The following ALOX15 variants were observed in gnomAD, a reference collection of about 807,000 sequenced individuals.
The protein encoded by ALOX15 is polyunsaturated fatty acid lipoxygenase ALOX15.
Under a neutral mutation model 71.7 loss-of-function variants are expected in ALOX15, and 68 were observed. That is an observed-to-expected ratio of 0.95 (90% confidence interval 0.78 to 1.16). The LOEUF is 1.16. Ranked by LOEUF, ALOX15 falls within the 50% of genes most tolerant of loss-of-function variation. The pLI is 0.00. For synonymous variants in ALOX15, 346 were observed against 333.3 expected (o/e 1.04, Z -0.42); for missense variants, 798 against 818.8 (o/e 0.97, Z 0.31).
chr17:4,632,274 A>G lies in ALOX15; in HGVS notation c.1548T>C (p.Pro516=). 6.2e-7 allele frequency: 1 copy of G among 1,614,148 alleles called. No individual in the cohort carries two copies. The highest frequency in any genetic ancestry group is 8.5e-7 in the Non-Finnish European group (1 of 1,179,972). The part of the protein sequence containing the change: ...GLQGAQDRGF[P]VSLQARDQVC... ...CCTGGTCCCGAGCCTGTAAAGAGACAGGAAACCCTGCAAGGGGTGAAGAGA... is the reference window on the plus strand; with the variant it reads ...CCTGGTCCCGAGCCTGTAAAGAGACGGGAAACCCTGCAAGGGGTGAAGAGA... Residue 516 remains proline, a synonymous_variant, in exon 12 of 14, where the codon CCT becomes CCC. Transcript: ENST00000293761.
chr17:4,631,483 C>G lies in ALOX15; in HGVS notation c.*117G>C. 1 of 1,316,850 alleles carries G rather than the reference C, an allele frequency of 7.6e-7. No homozygotes were observed. Among genetic ancestry groups the G allele is most frequent in the African/African-American group, 1.5e-5 (1 of 68,384 alleles). The allele number at this position is 1,316,850 out of a possible 1,614,324, so 81.6% of individuals were successfully genotyped here. On this transcript the variant is annotated 3_prime_UTR_variant, in exon 14 of 14. Transcript: ENST00000293761. ...GCAGAGACCATGAAAAGGTGCCCCT[C>G]TAGGGAGGGTGGGACATGGGAAGAG...
chr17:4,631,598 G>C lies in ALOX15; in HGVS notation c.*2C>G, dbSNP rs976133157. 1 of 1,612,622 alleles carries C rather than the reference G, an allele frequency of 6.2e-7. No homozygotes were observed. The highest frequency in any genetic ancestry group is 8.5e-7 in the Non-Finnish European group (1 of 1,179,974). The stretch of plus-strand genomic sequence containing the variant: ...GCTGAAATAACCAAAGGGTGGCGAC[G>C]CTTAGATGGCCACACTGTTTTCCAC... On this transcript the variant is annotated 3_prime_UTR_variant, in exon 14 of 14. Transcript: ENST00000293761.
intron 7 of ALOX15, among the ~76,000 whole-genome samples, chr17:4,636,607 C>A (rs1437577646): frequency 6.6e-6 from 1 of 152,122 alleles, no homozygotes; most frequent in Non-Finnish European, 1.5e-5. Context: ...TCTAGCATCT[C>A]CCCTCTCCAA....
chr17:4,641,080 C>T (rs1255358984), intron 1 of ALOX15, among the ~76,000 whole-genome samples: 1 of 148,840 alleles, frequency 6.7e-6, no homozygotes, highest in Admixed American at 6.7e-5. Context: ...AAATCGAGAG[C>T]GTTCTCCTGT....
In ALOX15 at chr17:4,639,313, A is replaced by AG. The variant is rs1401294349; in HGVS notation, c.337+116dup. ...GCCACCGCCCCTTCGACACCCCCAA[A>AG]GACCCCGGCGCTCCAGGTTCCAGCA... On this transcript the variant is annotated intron_variant, in intron 2 of 13. Transcript: ENST00000293761. The AG allele has an allele frequency of 1.9e-5, 27 of 1,434,874 alleles. No homozygotes were observed. The Admixed American group carries it at 2.8e-4, about 15-fold the overall frequency. 88.9% of individuals were successfully genotyped at this position (1,434,874 alleles called of 1,614,324 possible). A position where few individuals can be genotyped will look rare whatever the true frequency, so the allele number is the denominator to read the frequency against.
In ALOX15 at chr17:4,639,539, C is replaced by A. The variant is rs749592379; in HGVS notation, c.228G>T (p.Trp76Cys). ...CCTGCACAGAGATCCAGTTGCAGAA[C>A]CAGGCGTCGTCCTTAAGGAGGTGCC... ...RKRHLLKDDA[W>C]FCNWISVQGP... is the part of the protein sequence containing the mutation. Residue 76 changes from tryptophan (W) to cysteine (C), a missense_variant, in exon 2 of 14, where the codon TGG (tryptophan) becomes TGT (cysteine). Coordinates refer to ENST00000293761, the MANE Select transcript of ALOX15 (RefSeq NM_001140.5). The A allele has an allele frequency of 1.9e-6, 3 of 1,613,974 alleles. No individual in the cohort carries two copies. Among genetic ancestry groups the A allele is most frequent in the Admixed American group, 1.7e-5 (1 of 59,996 alleles).
chr17:4,634,552 G>A (rs1231137534), intron 8 of ALOX15, among the ~76,000 whole-genome samples: 1 of 150,950 alleles, frequency 6.6e-6, no homozygotes, highest in Non-Finnish European at 1.5e-5. Context: ...GTACCCTTTT[G>A]AGATGTTTTT....
intron 1 of ALOX15, among the ~76,000 whole-genome samples, chr17:4,640,853 G>A (rs181125902): frequency 1.3e-5 from 2 of 150,528 alleles, no homozygotes; most frequent in African/African-American, 4.9e-5. Flanking sequence ...TGACACCGGG[G>A]GAGGCAGGAG....
intron 8 of ALOX15, among the ~76,000 whole-genome samples, chr17:4,634,113 T>C (rs1478378230): frequency 6.6e-6 from 1 of 152,118 alleles, no homozygotes; most frequent in African/African-American, 2.4e-5. Context: ...AAATAATCTG[T>C]ACACCAAGCC....
At position 4,639,490 on chromosome 17, in the gene ALOX15, T is replaced by C. The variant is rs1437909519; in HGVS notation, c.277A>G (p.Arg93Gly). The change falls in exon 2 of 14, where the codon AGG (arginine) becomes GGG (glycine). Residue 93 changes from arginine (R) to glycine (G), a missense_variant. Arg to Gly is a moderately radical substitution (Grantham distance 125). Transcript: ENST00000293761. Reference sequence around the variant, plus strand: ...TCCACCCAGCGGTAACAAGGGAACCTGACCTCGTCCCCGGCTCCGGGGCCC... The same window carrying C: ...TCCACCCAGCGGTAACAAGGGAACCCGACCTCGTCCCCGGCTCCGGGGCCC... The part of the protein sequence containing the change: ...VQGPGAGDEV[R>G]FPCYRWVEGN... 6.2e-7 allele frequency: 1 copy of C among 1,613,958 alleles called. No individual in the cohort carries two copies. Among genetic ancestry groups the C allele is most frequent in the South Asian group, 1.1e-5 (1 of 91,088 alleles).
At chr17:4,632,087 C>A in intron 12 of ALOX15, 31 bp from the exon 13 acceptor site, 1 of 1,609,272 alleles carries the variant, frequency 6.2e-7, no homozygotes, top group South Asian at 1.1e-5. Context: ...AGAGTCAGTG[C>A]CTACCAAGCA....
chr17:4,641,495 C>G (rs1243145898), intron 1 of ALOX15, 22 bp downstream of exon 1: 2 of 1,604,796 alleles, frequency 1.2e-6, no homozygotes, highest in South Asian at 2.2e-5. Context: ...CAGCCCACCC[C>G]GCCCGGCTCT....
intron 1 of ALOX15, among the ~76,000 whole-genome samples, chr17:4,641,111 C>T (rs1235557566): frequency 6.6e-6 from 1 of 151,082 alleles, no homozygotes; most frequent in Admixed American, 6.6e-5. Context: ...CATCCCTTCC[C>T]TCTCACCACC....
chr17:4,639,192 G>A (rs1911228464), intron 2 of ALOX15, 60 bp from the exon 3 acceptor site: 3 of 1,585,942 alleles, frequency 1.9e-6, no homozygotes, highest in Non-Finnish European at 2.6e-6. Flanking sequence ...TCTTGTCTCT[G>A]CCAGGAGAGC....
At position 4,631,792 on chromosome 17, in the gene ALOX15, G is replaced by A; in HGVS notation, c.1810-13C>T. On this transcript the variant is annotated splice_polypyrimidine_tract_variant and intron_variant, in intron 13 of 13. Transcript: ENST00000293761. ...GGCCCACAGCCACCTGGGAGGGAGAGGAAAAGGTGGCTGAGAGCCTTATGA... is the reference window on the plus strand; with the variant it reads ...GGCCCACAGCCACCTGGGAGGGAGAAGAAAAGGTGGCTGAGAGCCTTATGA... 6.2e-7 allele frequency: 1 copy of A among 1,613,672 alleles called. No homozygotes were observed. Among genetic ancestry groups the A allele is most frequent in the Non-Finnish European group, 8.5e-7 (1 of 1,179,822 alleles).
intron 2 of ALOX15, 111 bp downstream of exon 2, chr17:4,639,319 C>T (rs1911233072): frequency 2.1e-6 from 3 of 1,453,512 alleles, no homozygotes; most frequent in Non-Finnish European, 2.8e-6. Context: ...CCAAAGACCC[C>T]GGCGCTCCAG....
In ALOX15 at chr17:4,639,400, GCCT is replaced by G. The variant is rs1911235944; in HGVS notation, c.337+27_337+29del. 3 of 1,611,816 alleles carry G rather than the reference GCCT, an allele frequency of 1.9e-6. No individual in the cohort carries two copies. The African/African-American group carries it at 4.0e-5, about 21-fold the overall frequency. ...CCCCAGCTTCTCACACAGCCCAGAGGCCTCCTGACACCCTCAGCCCCGCGCTTA... is the reference window on the plus strand; with the variant it reads ...CCCCAGCTTCTCACACAGCCCAGAGGCCTGACACCCTCAGCCCCGCGCTTA... On this transcript the variant is annotated intron_variant, in intron 2 of 13. Coordinates refer to ENST00000293761, the MANE Select transcript of ALOX15 (RefSeq NM_001140.5).
Position 4,637,281 on chromosome 17 carries a change from G to T in ALOX15, c.808-23C>A, listed in dbSNP as rs539024406. 55 of 1,594,784 alleles carry T rather than the reference G, an allele frequency of 3.4e-5. No individual in the cohort carries two copies. The South Asian group carries it at 5.6e-4, about 16-fold the overall frequency. On this transcript the variant is annotated intron_variant, in intron 6 of 13. Transcript: ENST00000293761. ...TCCCTGGGTGGGGGAAGAGGTCAAG[G>T]GCTGCTATCAACATAAAGCATCTTC... is the stretch of plus-strand genomic sequence containing the variant.
rs1228717805 is a variant in ALOX15 at position 4,633,433 on chromosome 17, T to G, written c.1229A>C (p.Asp410Ala). The G allele has an allele frequency of 6.2e-7, 1 of 1,614,006 alleles. No homozygotes were observed. Among genetic ancestry groups the G allele is most frequent in the Non-Finnish European group, 8.5e-7 (1 of 1,180,022 alleles). ...CCATACCTGGTCGAAAATTCCCATG[T>G]CAGAGACCAGCCCAGTCCTGGCCCG... ...NVRARTGLVSDMGIFDQIMST... is the reference protein window; with the variant it reads ...NVRARTGLVSAMGIFDQIMST... Residue 410 changes from aspartate (D) to alanine (A), a missense_variant, in exon 9 of 14, where the codon GAC (aspartate) becomes GCC (alanine). By Grantham distance (126) the Asp-to-Ala change is moderately radical. Around this residue, in one of 3 missense-constraint regions of ALOX15, gnomAD observed 490 missense variants for 509.4 expected, o/e 0.96. Coordinates refer to ENST00000293761, the MANE Select transcript of ALOX15 (RefSeq NM_001140.5).
Sources: gnomAD v4.1 joint callset for allele counts (sites outside exome capture counted in the v4.1 genomes callset) on GRCh38, gnomAD v4.1.1 for gene constraint, gnomAD v4.1.1 regional missense constraint, MANE v1.5 for transcripts, NCBI Gene and HGNC (gene_info 2026-07-23, HGNC 2026-07-21) for gene names.